Variants in GRM1 observed in about 807,000 individuals in gnomAD.
The protein encoded by GRM1 is metabotropic glutamate receptor 1.
Under a neutral mutation model 90.9 loss-of-function variants are expected in GRM1, and 33 were observed. The ratio of observed to expected loss-of-function variants is 0.36; its 90% CI spans 0.28 to 0.49. The LOEUF (loss-of-function observed/expected upper bound fraction) is 0.49, where lower values mean the gene tolerates loss of function less well. Ranked by LOEUF, GRM1 falls within the 20% of genes least tolerant of loss-of-function variation. The probability of loss-of-function intolerance (pLI) is 0.99; values close to 1 mark genes in which losing one functional copy is unlikely to be tolerated. For synonymous variants in GRM1, 700 were observed against 613.2 expected, an observed-to-expected ratio of 1.14 and a Z score of -2.09; for missense variants, 1,190 against 1,534.3, an observed-to-expected ratio of 0.78 and a Z score of 3.75.
intron 7 of GRM1, among the ~76,000 whole-genome samples, chr6:146,432,341 A>G (rs1481611209): frequency 6.6e-6 from 1 of 152,224 alleles, no homozygotes; most frequent in Non-Finnish European, 1.5e-5. Flanking sequence ...TCAGACATTT[A>G]CACTCATCTG....
Position 146,393,109 on chromosome 6 carries a change from G to A in GRM1, c.1730-5660G>A, listed in dbSNP as rs539857921. On this transcript the variant is annotated intron_variant, in intron 6 of 7. Transcript: ENST00000282753. ...TTCTAGATCCTTGAGGAATCACCAC[G>A]CTGTCTTCCACAATGGTTGAACTAA... Among the ~76,000 whole-genome samples, 40 of 152,160 alleles carry A rather than the reference G, an allele frequency of 2.6e-4. No homozygotes were observed. In the East Asian group the frequency reaches 4.1e-3, roughly 15 times the overall value.
chr6:146,226,589 G>A (rs1780247943), intron 2 of GRM1, among the ~76,000 whole-genome samples: 1 of 151,896 alleles, frequency 6.6e-6, no homozygotes. Flanking sequence ...ACTATTAGGA[G>A]TATAATTGGG....
intron 2 of GRM1, among the ~76,000 whole-genome samples, chr6:146,297,619 G>A (rs774996502): frequency 2.0e-5 from 3 of 152,160 alleles, no homozygotes; most frequent in Non-Finnish European, 2.9e-5. Flanking sequence ...CTAGAAATTA[G>A]AGATTAGAAT....
intron 2 of GRM1, among the ~76,000 whole-genome samples, chr6:146,166,693 T>G (rs1384711785): frequency 1.3e-5 from 2 of 152,124 alleles, no homozygotes; most frequent in Non-Finnish European, 2.9e-5. Context: ...AACTCAAGGT[T>G]ATGAGTCTAG....
chr6:146,158,149 T>G (rs976972632), intron 1 of GRM1, among the ~76,000 whole-genome samples: 2 of 152,142 alleles, frequency 1.3e-5, no homozygotes, highest in Non-Finnish European at 2.9e-5. Flanking sequence ...CATATTTAGG[T>G]GCTCAGGTGT....
chr6:146,356,700 T>C (rs902532572), intron 4 of GRM1, among the ~76,000 whole-genome samples: 1 of 152,214 alleles, frequency 6.6e-6, no homozygotes, highest in Non-Finnish European at 1.5e-5. Flanking sequence ...CTAAGTAGTA[T>C]AATCTACTGT....
chr6:146,291,529 TC>T (rs1201626526), intron 2 of GRM1, among the ~76,000 whole-genome samples: 1 of 151,716 alleles, frequency 6.6e-6, no homozygotes, highest in African/African-American at 2.4e-5. Context: ...TCTAAGAAAG[TC>T]CCCCTTGTCT....
intron 1 of GRM1, among the ~76,000 whole-genome samples, chr6:146,054,422 A>G (rs1775408358): frequency 6.6e-6 from 1 of 152,044 alleles, no homozygotes; most frequent in Non-Finnish European, 1.5e-5. Context: ...AAACAGATTT[A>G]ATTTTTCTAT....
rs190811611 is a variant in GRM1 at position 146,277,138 on chromosome 6, A to G, written c.951-27473A>G. Among the ~76,000 whole-genome samples the G allele has an allele frequency of 4.6e-5, 7 of 152,232 alleles. No individual in the cohort carries two copies. In the East Asian group the frequency reaches 1.4e-3, roughly 29 times the overall value. On this transcript the variant is annotated intron_variant, in intron 2 of 7. Coordinates refer to ENST00000282753, the MANE Select transcript of GRM1 (RefSeq NM_001278064.2). ...AATACAATACAATACAATACAATAA[A>G]ATACAATAAAGTTTCCCAGCAAGTT...
chr6:146,406,832 C>T (rs927720037), intron 7 of GRM1, among the ~76,000 whole-genome samples: 2 of 152,038 alleles, frequency 1.3e-5, no homozygotes, highest in Non-Finnish European at 2.9e-5. Flanking sequence ...AAAACTCCAT[C>T]TCCAAAACAA....
intron 2 of GRM1, among the ~76,000 whole-genome samples, chr6:146,175,520 TC>T (rs1221183249): frequency 1.3e-5 from 2 of 152,202 alleles, no homozygotes; most frequent in Non-Finnish European, 2.9e-5. Context: ...TATTGTGTTT[TC>T]CATGTGACTT....
chr6:146,223,243 C>T (rs1185467529), intron 2 of GRM1, among the ~76,000 whole-genome samples: 1 of 152,068 alleles, frequency 6.6e-6, no homozygotes, highest in African/African-American at 2.4e-5. Context: ...CACCTTTGTA[C>T]ACACTTATGC....
chr6:146,401,044 C>G (rs1476290153), intron 7 of GRM1, among the ~76,000 whole-genome samples: 1 of 152,014 alleles, frequency 6.6e-6, no homozygotes, highest in African/African-American at 2.4e-5. Flanking sequence ...TTAACACATG[C>G]CAAAAATTCT....
intron 2 of GRM1, among the ~76,000 whole-genome samples, chr6:146,179,832 A>C (rs1485502764): frequency 6.6e-6 from 1 of 151,856 alleles, no homozygotes; most frequent in East Asian, 1.9e-4. Flanking sequence ...CAGAACCTTT[A>C]ATTTTTTTTT....
intron 7 of GRM1, among the ~76,000 whole-genome samples, chr6:146,420,252 C>T (rs1348391531): frequency 1.3e-5 from 2 of 152,168 alleles, no homozygotes; most frequent in Non-Finnish European, 2.9e-5. Context: ...GTCATTCAAA[C>T]ACATGATCAA....
intron 2 of GRM1, among the ~76,000 whole-genome samples, chr6:146,222,612 GC>G (rs1780105647): frequency 6.6e-6 from 1 of 152,038 alleles, no homozygotes; most frequent in Admixed American, 6.6e-5. Context: ...ATCCATTCAA[GC>G]TGCTGATGGA....
At chr6:146,122,209 T>A (rs571794364) in intron 1 of GRM1, among the ~76,000 whole-genome samples, 4 of 152,332 alleles carry the variant, frequency 2.6e-5, no homozygotes, top group East Asian at 1.9e-4. Flanking sequence ...TTGTAGTTGG[T>A]CTTTGCCCCC....
At chr6:146,058,603 A>T (rs146370101) in intron 1 of GRM1, among the ~76,000 whole-genome samples, 296 of 152,246 alleles carry the variant, frequency 1.9e-3, no homozygotes, top group African/African-American at 6.0e-3. Flanking sequence ...AATATAAGAC[A>T]ACAATAAAGT....
At chr6:146,375,174 T>C (rs1339557247) in intron 5 of GRM1, among the ~76,000 whole-genome samples, 1 of 152,126 alleles carries the variant, frequency 6.6e-6, no homozygotes, top group Non-Finnish European at 1.5e-5. Flanking sequence ...ACGTAGTTTG[T>C]GTAGTGTCCA....
Sources: gnomAD v4.1 joint callset for allele counts (sites outside exome capture counted in the v4.1 genomes callset) on GRCh38, gnomAD v4.1.1 for gene constraint, MANE v1.5 for transcripts, NCBI Gene and HGNC (gene_info 2026-07-23, HGNC 2026-07-21) for gene names.